CFAP52: variants seen among roughly 807,000 people sequenced by gnomAD.
The protein encoded by CFAP52 is cilia- and flagella-associated protein 52.
CFAP52 carries 57 observed loss-of-function variants against 70.5 expected under a neutral mutation model. The ratio of observed to expected loss-of-function variants is 0.81; its 90% confidence interval spans 0.65 to 1.01. The LOEUF (loss-of-function observed/expected upper bound fraction) is 1.01, where lower values mean the gene tolerates loss of function less well. Ranked by LOEUF, CFAP52 falls within the 50% of genes least tolerant of loss-of-function variation. The pLI is 0.00. For missense variants in CFAP52, 785 were observed against 788.5 expected (o/e 1.00, Z 0.05); for synonymous variants, 267 against 292.5 (o/e 0.91, Z 0.89).
intron 1 of CFAP52, among the ~76,000 whole-genome samples, chr17:9,577,111 C>T (rs1188948535): frequency 6.6e-6 from 1 of 152,188 alleles, no homozygotes; most frequent in African/African-American, 2.4e-5. Context: ...CTGAACCCCA[C>T]GCCGCTCGCA....
At chr17:9,635,326 GA>G in intron 10 of CFAP52, 78 bp from the exon 11 acceptor site, 1 of 1,572,022 alleles carries the variant, frequency 6.4e-7, no homozygotes, top group South Asian at 1.2e-5. Context: ...TAGCAAAGGG[GA>G]AAAAGCTCTT....
rs1032552660 is a variant in CFAP52 at position 9,612,437 on chromosome 17, C to T, written c.983C>T (p.Ala328Val). ...ACGGATTTCAAAGAGACGCTCATAGCGACTTGTCACTTTGATGCTGTCGAG... is the reference window on the plus strand; with the variant it reads ...ACGGATTTCAAAGAGACGCTCATAGTGACTTGTCACTTTGATGCTGTCGAG... ...SFTDFKETLIATCHFDAVEDI... is the reference protein window; with the variant it reads ...SFTDFKETLIVTCHFDAVEDI... Residue 328 changes from alanine (A) to valine (V), a missense_variant, in exon 8 of 14, where the codon GCG becomes GTG. Transcript: ENST00000352665. 3.1e-6 allele frequency: 5 copies of T among 1,614,112 alleles called. No homozygotes were observed. Among genetic ancestry groups the T allele is most frequent in the Admixed American group, 3.3e-5 (2 of 60,018 alleles).
At chr17:9,638,586 C>G (rs1414873192) in intron 11 of CFAP52, 23 bp from the exon 12 acceptor site, 5 of 1,606,424 alleles carry the variant, frequency 3.1e-6, no homozygotes, top group African/African-American at 1.3e-5. Flanking sequence ...TCGACTTTCA[C>G]AGCTTTTGAA....
Position 9,635,648 on chromosome 17 carries a change from G to A in CFAP52, c.1472+92G>A, listed in dbSNP as rs1910741669. 4 of 1,522,580 alleles carry A rather than the reference G, an allele frequency of 2.6e-6. No individual in the cohort carries two copies. The South Asian group carries it at 4.9e-5, about 19-fold the overall frequency. 94.3% of individuals were successfully genotyped at this position (1,522,580 alleles called of 1,614,324 possible). A position where few individuals can be genotyped will look rare whatever the true frequency, so the allele number is the denominator to read the frequency against. ...AACATGAGAGAAGATTCACATGGAG[G>A]GTAGAAATCTTATTTAAGGCAACAC... On this transcript the variant is annotated intron_variant, in intron 11 of 13. Coordinates refer to ENST00000352665, the MANE Select transcript of CFAP52 (RefSeq NM_145054.5).
chr17:9,616,256 G>A (rs2151943945), intron 8 of CFAP52, among the ~76,000 whole-genome samples: 1 of 146,542 alleles, frequency 6.8e-6, no homozygotes, highest in African/African-American at 2.6e-5. Context: ...CTGGAAAATC[G>A]GGTCACTCCC....
At chr17:9,605,589 G>A (rs1471227791) in intron 6 of CFAP52, among the ~76,000 whole-genome samples, 3 of 149,586 alleles carry the variant, frequency 2.0e-5, no homozygotes, top group East Asian at 2.0e-4. Context: ...CCAGCTACTC[G>A]GGAGGCTGAG....
chr17:9,590,926 G>A (rs1433407500), intron 3 of CFAP52, among the ~76,000 whole-genome samples: 2 of 151,680 alleles, frequency 1.3e-5, no homozygotes, highest in East Asian at 3.9e-4. Context: ...CCCTGAATGT[G>A]TGGCAGGGGT....
chr17:9,581,180 G>A (rs985764424), intron 1 of CFAP52, among the ~76,000 whole-genome samples: 4 of 152,154 alleles, frequency 2.6e-5, no homozygotes, highest in Admixed American at 6.5e-5. Flanking sequence ...AGCCGGGCGC[G>A]GTGGCGGGCA....
intron 7 of CFAP52, chr17:9,610,353 T>A (rs1466948599): frequency 6.6e-6 from 1 of 152,194 alleles, no homozygotes; most frequent in Non-Finnish European, 1.5e-5. Flanking sequence ...GTTTGTGCTA[T>A]CACTGTTTCC....
intron 12 of CFAP52, among the ~76,000 whole-genome samples, chr17:9,641,089 C>G (rs1027604760): frequency 6.6e-6 from 1 of 152,172 alleles, no homozygotes; most frequent in African/African-American, 2.4e-5. Context: ...GTTTAAGGTA[C>G]AAAGGCAGTA....
chr17:9,633,201 T>C (rs1021544059), intron 10 of CFAP52, among the ~76,000 whole-genome samples, 168 bp downstream of exon 10: 2 of 152,192 alleles, frequency 1.3e-5, no homozygotes, highest in Non-Finnish European at 2.9e-5. Context: ...GTTCTAATAT[T>C]ATAAATGTAT....
rs274899 is a variant in CFAP52, at chr17:9,643,234, G to A, written c.*36G>A. 451,621 of 1,519,710 alleles carry A rather than the reference G, an allele frequency of 0.3. 90,668 individuals carry two copies. The highest frequency in any genetic ancestry group is 0.92 in the East Asian group (38,602 of 42,026). 94.1% of individuals were successfully genotyped at this position (1,519,710 alleles called of 1,614,324 possible). ...ATGTCTCTGAGCCTTGGCGTTGCAC[G>A]CAGTCCTGTTGAAGACTGAGTTTAG... On this transcript the variant is annotated 3_prime_UTR_variant, in exon 14 of 14. Coordinates refer to ENST00000352665, the MANE Select transcript of CFAP52 (RefSeq NM_145054.5).
chr17:9,642,892 A>G, intron 13 of CFAP52, 131 bp from the exon 14 acceptor site: 3 of 771,206 alleles, frequency 3.9e-6, no homozygotes, highest in Non-Finnish European at 5.6e-6. Context: ...AGATTTTTAT[A>G]ATCAAGTAAA....
At chr17:9,584,786 T>C (rs982558852) in intron 1 of CFAP52, among the ~76,000 whole-genome samples, 4 of 152,052 alleles carry the variant, frequency 2.6e-5, no homozygotes, top group Non-Finnish European at 5.9e-5. Context: ...CAAGCCCAGC[T>C]AATTTTTTGT....
Position 9,600,134 on chromosome 17 carries a change from G to A in CFAP52, c.704G>A (p.Arg235Lys), listed in dbSNP as rs1360971529. The A allele has an allele frequency of 3.1e-6, 5 of 1,613,672 alleles. No individual in the cohort carries two copies. The highest frequency in any genetic ancestry group is 2.2e-5 in the East Asian group (1 of 44,882). The change falls in exon 6 of 14, where the codon AGG (arginine) becomes AAG (lysine). Residue 235 changes from arginine to lysine, a missense_variant. Transcript: ENST00000352665. ...TTGDILKMNP[R>K]TKLLTDVGPA... is the part of the protein sequence containing the mutation. The stretch of plus-strand genomic sequence containing the variant: ...GGAGATATTCTAAAAATGAACCCCA[G>A]GACTAAACTGCTGACAGATGTTGGG...
chr17:9,599,735 TTTC>T (rs1424188809), intron 5 of CFAP52, among the ~76,000 whole-genome samples: 4 of 151,902 alleles, frequency 2.6e-5, no homozygotes, highest in Non-Finnish European at 5.9e-5. Flanking sequence ...GTCTTCAAGT[TTTC>T]TTCTTCTTTT....
chr17:9,589,778 C>T (rs1162597290), intron 3 of CFAP52: 1 of 140,942 alleles, frequency 7.1e-6, no homozygotes, highest in East Asian at 2.2e-4. Flanking sequence ...TCCAGAAATC[C>T]CCTGTTAACA....
intron 10 of CFAP52, among the ~76,000 whole-genome samples, chr17:9,633,391 G>C (rs1910638930): frequency 6.6e-6 from 1 of 152,006 alleles, no homozygotes. Context: ...TTTTAGTAGA[G>C]ATGGGGTTTC....
chr17:9,640,643 T>G (rs537201640), intron 12 of CFAP52, among the ~76,000 whole-genome samples: 1 of 151,106 alleles, frequency 6.6e-6, no homozygotes, highest in East Asian at 1.9e-4. Flanking sequence ...GTTTATTCTG[T>G]TTTTTTTGGA....
Sources: gnomAD v4.1 joint callset for allele counts (sites outside exome capture counted in the v4.1 genomes callset) on GRCh38, gnomAD v4.1.1 for gene constraint, MANE v1.5 for transcripts, NCBI Gene and HGNC (gene_info 2026-07-23, HGNC 2026-07-21) for gene names.